The following DTNB variants were observed in gnomAD, a reference collection of about 807,000 sequenced individuals.
DTNB encodes DTN-B.
In DTNB, 63 loss-of-function variants were observed where a neutral mutation model predicts 90.7. The ratio of observed to expected loss-of-function variants is 0.69; its 90% CI spans 0.57 to 0.86. The LOEUF (loss-of-function observed/expected upper bound fraction) is 0.86. Ranked by LOEUF, DTNB falls within the 40% of genes least tolerant of loss-of-function variation. The pLI is 0.00. For synonymous variants in DTNB, 277 were observed against 286.7 expected, an observed-to-expected ratio of 0.97 and a Z score of 0.34; for missense variants, 744 against 807.1, an observed-to-expected ratio of 0.92 and a Z score of 0.95.
intron 6 of DTNB, among the ~76,000 whole-genome samples, chr2:25,584,676 C>A (rs1318220411): frequency 6.6e-6 from 1 of 152,030 alleles, no homozygotes; most frequent in Non-Finnish European, 1.5e-5. Flanking sequence ...CCTGCCTCAG[C>A]CTCCTAAGTA....
intron 2 of DTNB, among the ~76,000 whole-genome samples, chr2:25,647,905 C>T (rs2079874243): frequency 6.6e-6 from 1 of 150,982 alleles, no homozygotes; most frequent in African/African-American, 2.4e-5. Context: ...AAACAAATGG[C>T]CTTAGTAACC....
At chr2:25,426,047 T>C (rs1353662730) in intron 15 of DTNB, among the ~76,000 whole-genome samples, 1 of 152,206 alleles carries the variant, frequency 6.6e-6, no homozygotes, top group African/African-American at 2.4e-5. Flanking sequence ...ACCTGACTTA[T>C]TATGCATGTA....
intron 6 of DTNB, chr2:25,594,970 T>C (rs1346709822): frequency 6.6e-6 from 1 of 152,234 alleles, no homozygotes; most frequent in African/African-American, 2.4e-5. Flanking sequence ...GGCTTGTGAG[T>C]TCATTCAGCT....
chr2:25,527,931 A>G (rs143284868), intron 9 of DTNB, among the ~76,000 whole-genome samples: 6 of 152,292 alleles, frequency 3.9e-5, no homozygotes, highest in Admixed American at 2.0e-4. Context: ...TGATAAAAAC[A>G]ACAAAATAAA....
chr2:25,388,805 C>CGTGTGTGTGTGTGTGTGTGT (rs112323714), intron 16 of DTNB, among the ~76,000 whole-genome samples: 21 of 149,258 alleles, frequency 1.4e-4, no homozygotes, highest in African/African-American at 4.4e-4. Flanking sequence ...AAAGGACATA[C>CGTGTGTGTGTGTGTGTGTGT]GTGTGTGTGT....
intron 9 of DTNB, among the ~76,000 whole-genome samples, chr2:25,503,698 A>G (rs2071453377): frequency 6.7e-6 from 1 of 148,682 alleles, no homozygotes; most frequent in Non-Finnish European, 1.5e-5. Context: ...GCGGATCACG[A>G]GGTCAGGAGA....
intron 8 of DTNB, among the ~76,000 whole-genome samples, chr2:25,540,731 T>G (rs1467403300): frequency 2.0e-5 from 3 of 152,206 alleles, no homozygotes; most frequent in Middle Eastern, 3.2e-3. Context: ...CCTGTTGATC[T>G]ATGACCTTAC....
chr2:25,586,897 A>G (rs990128463), intron 6 of DTNB, among the ~76,000 whole-genome samples: 5 of 152,234 alleles, frequency 3.3e-5, no homozygotes, highest in African/African-American at 1.2e-4. Flanking sequence ...AATCAAAACT[A>G]CACTGAGATA....
chr2:25,644,826 ACTTC>A lies in DTNB; in HGVS notation c.68-5736_68-5733del, dbSNP rs544890803. On this transcript the variant is annotated intron_variant, in intron 2 of 20. Transcript: ENST00000406818. Reference sequence around the variant, plus strand: ...TTAGTTCAAATAACTAACACAAATGACTTCCTTATCTTTTTCTTTGCAATAAGAA... The same window carrying A: ...TTAGTTCAAATAACTAACACAAATGACTTATCTTTTTCTTTGCAATAAGAA... 1.8e-4 allele frequency among the ~76,000 whole-genome samples: 28 copies of A among 152,294 alleles called. No individual in the cohort carries two copies. The South Asian group carries it at 5.6e-3, about 30-fold the overall frequency.
intron 2 of DTNB, among the ~76,000 whole-genome samples, chr2:25,644,166 T>C (rs889353519): frequency 1.3e-5 from 2 of 152,230 alleles, no homozygotes; most frequent in African/African-American, 4.8e-5. Flanking sequence ...ACTCTGTCTA[T>C]GGAGTAGCCA....
At chr2:25,428,644 G>A (rs573177651) in intron 14 of DTNB, among the ~76,000 whole-genome samples, 2 of 152,070 alleles carry the variant, frequency 1.3e-5, no homozygotes, top group East Asian at 3.9e-4. Flanking sequence ...TGTTGGCCAG[G>A]CTGGTCTCGA....
intron 8 of DTNB, among the ~76,000 whole-genome samples, chr2:25,569,590 C>T (rs1320962805): frequency 1.3e-5 from 2 of 152,074 alleles, no homozygotes; most frequent in African/African-American, 2.4e-5. Context: ...CCACCCAGAT[C>T]CATAAATGTT....
intron 7 of DTNB, among the ~76,000 whole-genome samples, chr2:25,577,759 T>C (rs2060920586): frequency 6.6e-6 from 1 of 151,986 alleles, no homozygotes; most frequent in Non-Finnish European, 1.5e-5. Flanking sequence ...TCCTAGCACT[T>C]TGGGAGGCCG....
rs956527721 is a variant in DTNB, at chr2:25,540,354, TTA to T, written c.877-8759_877-8758del. Among the ~76,000 whole-genome samples the T allele has an allele frequency of 2.0e-5, 3 of 152,344 alleles. No individual in the cohort carries two copies. The East Asian group carries it at 5.8e-4, about 29-fold the overall frequency. On this transcript the variant is annotated intron_variant, in intron 8 of 20. Coordinates refer to ENST00000406818, the MANE Select transcript of DTNB (RefSeq NM_021907.5). ...TTTCATATTCTTCTCCATAAAGGAT[TTA>T]TATGTCTGTTCTTATTCCTAGTTAT...
intron 9 of DTNB, among the ~76,000 whole-genome samples, chr2:25,500,693 G>C (rs1287636969): frequency 4.6e-5 from 7 of 152,074 alleles, no homozygotes; most frequent in Non-Finnish European, 1.0e-4. Flanking sequence ...CAAGGTAGTA[G>C]AGTGAGCACA....
At chr2:25,601,443 A>G (rs1309989310) in intron 5 of DTNB, among the ~76,000 whole-genome samples, 2 of 152,226 alleles carry the variant, frequency 1.3e-5, no homozygotes, top group Non-Finnish European at 2.9e-5. Flanking sequence ...AATTTTTAAA[A>G]TATTCTATAA....
Position 25,554,810 on chromosome 2 carries a change from G to C in DTNB, c.876+22028C>G, listed in dbSNP as rs184366468. 4.8e-3 allele frequency among the ~76,000 whole-genome samples: 723 copies of C among 152,178 alleles called. 4 individuals carry two copies. Among genetic ancestry groups the C allele is most frequent in the Non-Finnish European group, 6.5e-3 (441 of 68,010 alleles). On this transcript the variant is annotated intron_variant, in intron 8 of 20. Transcript: ENST00000406818. ...TGCACCATGATGCTATTTTGATGAAGTTTAAAAACATGAGATACAACACCA... is the reference window on the plus strand; with the variant it reads ...TGCACCATGATGCTATTTTGATGAACTTTAAAAACATGAGATACAACACCA...
At chr2:25,434,610 A>G (rs1052949633) in intron 12 of DTNB, among the ~76,000 whole-genome samples, 2 of 151,656 alleles carry the variant, frequency 1.3e-5, no homozygotes, top group Non-Finnish European at 2.9e-5. Flanking sequence ...TATTGTTTCC[A>G]GCTTTTGGTT....
chr2:25,389,882 GTA>G (rs1373922599), intron 16 of DTNB, among the ~76,000 whole-genome samples: 10 of 144,128 alleles, frequency 6.9e-5, no homozygotes, highest in Non-Finnish European at 1.2e-4. Context: ...GTGTGTGTGT[GTA>G]TGTGTATTTT....
Sources: allele counts gnomAD v4.1 joint callset (sites outside exome capture counted in the v4.1 genomes callset), GRCh38; gene constraint gnomAD v4.1.1; transcripts MANE v1.5; gene names NCBI Gene and HGNC (gene_info 2026-07-23, HGNC 2026-07-21).